POLR1B: variants seen among roughly 807,000 people sequenced by gnomAD.
POLR1B encodes the protein RNA polymerase I subunit B, also known as DNA-directed RNA polymerase I subunit RPA2.
POLR1B carries 30 observed loss-of-function variants against 105.8 expected under a neutral mutation model. That is an observed-to-expected ratio of 0.28 (90% CI 0.21 to 0.38). The LOEUF (loss-of-function observed/expected upper bound fraction) is 0.38, where lower values mean the gene tolerates loss of function less well. Among genes scored for constraint, POLR1B ranks in the 10% least tolerant of loss-of-function variants. The probability of loss-of-function intolerance (pLI) is 1.00; values close to 1 mark genes in which losing one functional copy is unlikely to be tolerated. For missense variants in POLR1B, 976 were observed against 1,435.8 expected, an observed-to-expected ratio of 0.68 and a Z score of 5.17; for synonymous variants, 485 against 505.1, an observed-to-expected ratio of 0.96 and a Z score of 0.53.
At chr2:112,552,130 C>A in intron 6 of POLR1B, 132 bp downstream of exon 6, 1 of 647,282 alleles carries the variant, frequency 1.5e-6, no homozygotes, top group Non-Finnish European at 2.6e-6. Context: ...CTGGTCCTTG[C>A]TAGCCGGGGG....
In POLR1B at chr2:112,542,469, C is replaced by G. The variant is rs1459273771; in HGVS notation, c.-26C>G. ...CTGGCGTCCGGCGTGTACCGAGAGACTGGCGTCCGGTGTGCAGGTGGCCAC... is the reference window on the plus strand; with the variant it reads ...CTGGCGTCCGGCGTGTACCGAGAGAGTGGCGTCCGGTGTGCAGGTGGCCAC... On this transcript the variant is annotated 5_prime_UTR_variant, in exon 1 of 15. Transcript: ENST00000263331. 6.2e-7 allele frequency: 1 copy of G among 1,612,638 alleles called. No homozygotes were observed. The highest frequency in any genetic ancestry group is 8.5e-7 in the Non-Finnish European group (1 of 1,179,592).
At position 112,552,678 on chromosome 2, in the gene POLR1B, T is replaced by A; in HGVS notation, c.1020T>A (p.Thr340=). The stretch of plus-strand genomic sequence containing the variant: ...TCTGTATCCACTTGAAATCCAATAC[T>A]GAAAAGTTTTATATGCTTTGTCTCA... ...QCICIHLKSN[T]EKFYMLCLMT... The change falls in exon 7 of 15, where the codon ACT becomes ACA. Residue 340 remains threonine (T), a synonymous_variant. Coordinates refer to ENST00000263331, the MANE Select transcript of POLR1B (RefSeq NM_019014.6). 6.2e-7 allele frequency: 1 copy of A among 1,603,930 alleles called. No homozygotes were observed.
At chr2:112,557,801 A>G (rs1051050839) in intron 7 of POLR1B, 109 bp from the exon 8 acceptor site, 1 of 534,034 alleles carries the variant, frequency 1.9e-6, no homozygotes, top group African/African-American at 2.1e-5. Flanking sequence ...GCCCAGTCTC[A>G]TGTTGAACTC....
rs112540704 is a variant in POLR1B at position 112,545,665 on chromosome 2, G to T, written c.178-1347G>T. On this transcript the variant is annotated intron_variant, in intron 1 of 14. Transcript: ENST00000263331. Reference sequence around the variant, plus strand: ...CATTCTGTTTTTTTTTTTGAGACAGGATCTCACTTTGTCACCTAGGCTGGA... The same window carrying T: ...CATTCTGTTTTTTTTTTTGAGACAGTATCTCACTTTGTCACCTAGGCTGGA... Among the ~76,000 whole-genome samples, 697 of 151,238 alleles carry T rather than the reference G, an allele frequency of 4.6e-3. 5 individuals are homozygous for T. The highest frequency in any genetic ancestry group is 0.016 in the African/African-American group (648 of 41,182).
intron 3 of POLR1B, among the ~76,000 whole-genome samples, 185 bp downstream of exon 3, chr2:112,547,752 G>A (rs1424119352): frequency 6.6e-6 from 1 of 152,126 alleles, no homozygotes. Context: ...ATGAAAAAGT[G>A]GCTGTAAAAT....
At chr2:112,550,309 A>G (rs1215996475) in intron 4 of POLR1B, among the ~76,000 whole-genome samples, 1 of 152,258 alleles carries the variant, frequency 6.6e-6, no homozygotes, top group African/African-American at 2.4e-5. Flanking sequence ...ACAATGCCTA[A>G]GACAGCATGT....
At position 112,542,583 on chromosome 2, in the gene POLR1B, A is replaced by T. The variant is rs1372427548; in HGVS notation, c.89A>T (p.Gln30Leu). The T allele has an allele frequency of 1.2e-6, 2 of 1,614,200 alleles. No individual in the cohort carries two copies. The highest frequency in any genetic ancestry group is 1.7e-6 in the Non-Finnish European group (2 of 1,180,040). Residue 30 changes from glutamine to leucine, a missense_variant, in exon 1 of 15, where the codon CAG (glutamine) becomes CTG (leucine). Gln to Leu is a moderately radical substitution (Grantham distance 113, BLOSUM62 -2). Around this residue, in one of 12 missense-constraint regions of POLR1B, gnomAD observed 452 missense variants for 616.5 expected, o/e 0.73. Transcript: ENST00000263331. ...TDPSYGIPRE[Q>L]QKAALQELTR... ...CCCTCTTATGGAATCCCGCGGGAACAGCAAAAGGCAGCGTTGCAGGAGCTG... is the reference window on the plus strand; with the variant it reads ...CCCTCTTATGGAATCCCGCGGGAACTGCAAAAGGCAGCGTTGCAGGAGCTG...
At chr2:112,566,735 C>CT (rs35459414) in intron 10 of POLR1B, among the ~76,000 whole-genome samples, 2,568 of 142,366 alleles carry the variant, frequency 0.018, 21 homozygotes, top group Non-Finnish European at 0.022. Context: ...AATCATTCCT[C>CT]TTTTTTTTTT....
At chr2:112,565,165 T>A (rs947191872) in intron 10 of POLR1B, among the ~76,000 whole-genome samples, 1 of 152,264 alleles carries the variant, frequency 6.6e-6, no homozygotes, top group Non-Finnish European at 1.5e-5. Flanking sequence ...AATATCTATT[T>A]AAGTCCTTGT....
intron 1 of POLR1B, among the ~76,000 whole-genome samples, chr2:112,543,086 T>C (rs1682847431): frequency 6.6e-6 from 1 of 152,218 alleles, no homozygotes; most frequent in Non-Finnish European, 1.5e-5. Flanking sequence ...AGTTTCCTTC[T>C]CTTAGAGCTT....
At chr2:112,560,804 C>G (rs891781847) in intron 9 of POLR1B, among the ~76,000 whole-genome samples, 4 of 152,082 alleles carry the variant, frequency 2.6e-5, no homozygotes, top group Admixed American at 1.3e-4. Flanking sequence ...TGCCTGTAAT[C>G]CCAGCACTTT....
intron 5 of POLR1B, among the ~76,000 whole-genome samples, chr2:112,551,367 C>T (rs1168094914): frequency 6.6e-6 from 1 of 152,158 alleles, no homozygotes; most frequent in Non-Finnish European, 1.5e-5. Flanking sequence ...TCTACATGGC[C>T]CTTTCTGTAG....
At position 112,561,512 on chromosome 2, in the gene POLR1B, TC is replaced by T. The variant is rs570754990; in HGVS notation, c.1612+1939del. On this transcript the variant is annotated intron_variant, in intron 9 of 14. Transcript: ENST00000263331. The stretch of plus-strand genomic sequence containing the variant: ...AGTTGATTCTCATTATTTGTAGTAC[TC>T]ATCTTTAAAGTTACCAGTGAATATT... Among the ~76,000 whole-genome samples, 623 of 152,222 alleles carry T rather than the reference TC, an allele frequency of 4.1e-3. 5 individuals carry two copies. The highest frequency in any genetic ancestry group is 6.9e-3 in the Non-Finnish European group (469 of 68,020).
At chr2:112,559,596 A>C (rs1558659611) in intron 9 of POLR1B, 22 bp downstream of exon 9, 2 of 1,596,600 alleles carry the variant, frequency 1.3e-6, no homozygotes, top group Non-Finnish European at 1.7e-6. Flanking sequence ...ACAGTGATAA[A>C]CATCTTGTTT....
At position 112,577,322 on chromosome 2, in the gene POLR1B, A is replaced by G. The variant is rs959219909; in HGVS notation, c.*1593A>G. Among the ~76,000 whole-genome samples the G allele has an allele frequency of 1.3e-5, 2 of 152,220 alleles. No homozygotes were observed. Among genetic ancestry groups the G allele is most frequent in the African/African-American group, 4.8e-5 (2 of 41,454 alleles). The stretch of plus-strand genomic sequence containing the variant: ...ATTTTAGGAGGCCTAGGCAGGAGCA[A>G]TCACTTGTGCCTGGGAGTTCTAGAC... On this transcript the variant is annotated 3_prime_UTR_variant, in exon 15 of 15. Coordinates refer to ENST00000263331, the MANE Select transcript of POLR1B (RefSeq NM_019014.6).
chr2:112,566,186 T>C (rs904352004), intron 10 of POLR1B, among the ~76,000 whole-genome samples: 1 of 152,236 alleles, frequency 6.6e-6, no homozygotes, highest in Non-Finnish European at 1.5e-5. Flanking sequence ...ATTCAAGATA[T>C]TTCAGGAAGC....
At chr2:112,557,787 T>G in intron 7 of POLR1B, 123 bp from the exon 8 acceptor site, 2 of 241,488 alleles carry the variant, frequency 8.3e-6, no homozygotes, top group Non-Finnish European at 1.4e-5. Context: ...TGTTTCACCA[T>G]TTTGCCCAGT....
intron 6 of POLR1B, 82 bp from the exon 7 acceptor site, chr2:112,552,563 G>A: frequency 7.4e-7 from 1 of 1,343,810 alleles, no homozygotes; most frequent in Non-Finnish European, 1.0e-6. Context: ...GTAAGCATGA[G>A]TTGGGGATCT....
chr2:112,566,507 C>T (rs1381204714), intron 10 of POLR1B, among the ~76,000 whole-genome samples: 1 of 152,072 alleles, frequency 6.6e-6, no homozygotes, highest in African/African-American at 2.4e-5. Context: ...GGAGGGCTTT[C>T]TTTTCTATTA....
Sources: gnomAD v4.1 joint callset for allele counts (sites outside exome capture counted in the v4.1 genomes callset) on GRCh38, gnomAD v4.1.1 for gene constraint, gnomAD v4.1.1 regional missense constraint, MANE v1.5 for transcripts, NCBI Gene and HGNC (gene_info 2026-07-23, HGNC 2026-07-21) for gene names.